Variants in ZNF148 observed in about 807,000 individuals in gnomAD.
ZNF148 encodes zinc finger protein 148.
A neutral mutation model predicts 67.7 loss-of-function variants in ZNF148; 7 were observed. That is an observed-to-expected ratio of 0.10 (90% CI 0.06 to 0.19). ZNF148 has a LOEUF of 0.19. Ranked by LOEUF, ZNF148 falls within the 10% of genes least tolerant of loss-of-function variation. ZNF148 has a pLI of 1.00. For missense variants in ZNF148, 583 were observed against 947.1 expected, an observed-to-expected ratio of 0.62 and a Z score of 5.05; for synonymous variants, 333 against 330.7, an observed-to-expected ratio of 1.01 and a Z score of -0.08.
intron 5 of ZNF148, among the ~76,000 whole-genome samples, chr3:125,279,734 A>G (rs1938275149): frequency 8.2e-6 from 1 of 121,290 alleles, no homozygotes; most frequent in Non-Finnish European, 1.7e-5. Flanking sequence ...AAAGCGTGTC[A>G]GGATTTGTTA....
At position 125,228,422 on chromosome 3, in the gene ZNF148, A is replaced by T. The variant is rs1935723288; in HGVS notation, c.*3919T>A. On this transcript the variant is annotated 3_prime_UTR_variant, in exon 9 of 9. Coordinates refer to ENST00000360647, the MANE Select transcript of ZNF148 (RefSeq NM_021964.3). ...AGGAGGAACAATGGAATTTGCTTATAAAAACTGATTAAAGATAATCATTAT... is the reference window on the plus strand; with the variant it reads ...AGGAGGAACAATGGAATTTGCTTATTAAAACTGATTAAAGATAATCATTAT... 1 of 152,624 alleles carries T rather than the reference A, an allele frequency of 6.6e-6. No homozygotes were observed. Among genetic ancestry groups the T allele is most frequent in the African/African-American group, 2.4e-5 (1 of 41,454 alleles). The allele number at this position is 152,624 out of a possible 1,614,324, so 9.5% of individuals were successfully genotyped here.
At chr3:125,347,566 A>AT (rs1362461948) in intron 1 of ZNF148, among the ~76,000 whole-genome samples, 2 of 81,112 alleles carry the variant, frequency 2.5e-5, no homozygotes, top group African/African-American at 1.3e-4. Flanking sequence ...AATTTTATGT[A>AT]TTATTTTTTT....
intron 3 of ZNF148, among the ~76,000 whole-genome samples, chr3:125,314,581 T>C (rs1433754321): frequency 6.6e-6 from 1 of 152,116 alleles, no homozygotes; most frequent in Non-Finnish European, 1.5e-5. Context: ...CAGAGAAAAC[T>C]TTACTGAAAT....
chr3:125,374,883 C>T (rs1943013178), intron 1 of ZNF148, among the ~76,000 whole-genome samples: 1 of 151,616 alleles, frequency 6.6e-6, no homozygotes, highest in South Asian at 2.1e-4. Flanking sequence ...TATCCCTCCT[C>T]AACCCCCCAA....
chr3:125,316,366 G>C (rs1404603052), intron 3 of ZNF148, among the ~76,000 whole-genome samples: 3 of 152,180 alleles, frequency 2.0e-5, no homozygotes, highest in African/African-American at 7.2e-5. Context: ...ATACCCAGCA[G>C]TGCGATTGCT....
chr3:125,315,648 G>A (rs995054731), intron 3 of ZNF148, among the ~76,000 whole-genome samples: 2 of 148,832 alleles, frequency 1.3e-5, no homozygotes, highest in Non-Finnish European at 3.0e-5. Context: ...GGGGAAGGGT[G>A]CAGTGAGCCG....
intron 7 of ZNF148, among the ~76,000 whole-genome samples, chr3:125,257,760 T>C (rs1192132323): frequency 6.6e-6 from 1 of 152,110 alleles, no homozygotes; most frequent in Non-Finnish European, 1.5e-5. Context: ...GGATGTCTAA[T>C]GTTCACCATG....
intron 2 of ZNF148, among the ~76,000 whole-genome samples, chr3:125,328,011 T>C (rs1486835901): frequency 2.0e-5 from 3 of 152,068 alleles, no homozygotes; most frequent in African/African-American, 7.2e-5. Context: ...ATCTTTGTAG[T>C]TGTCATTATG....
At chr3:125,273,715 C>T (rs1276870626) in intron 7 of ZNF148, among the ~76,000 whole-genome samples, 1 of 152,002 alleles carries the variant, frequency 6.6e-6, no homozygotes. Context: ...CTCCTGACCT[C>T]GTGATCCGCC....
intron 1 of ZNF148, among the ~76,000 whole-genome samples, chr3:125,342,177 G>C (rs931051174): frequency 2.6e-5 from 4 of 151,094 alleles, no homozygotes; most frequent in African/African-American, 9.7e-5. Context: ...TCATAAAGAA[G>C]GAAGAAAGGG....
intron 6 of ZNF148, among the ~76,000 whole-genome samples, chr3:125,278,677 T>C (rs1404427948): frequency 1.3e-5 from 2 of 152,140 alleles, no homozygotes; most frequent in East Asian, 3.9e-4. Context: ...CCTCATTTCA[T>C]CTTACATGTC....
chr3:125,265,128 T>C (rs889790342), intron 7 of ZNF148, among the ~76,000 whole-genome samples: 1 of 152,264 alleles, frequency 6.6e-6, no homozygotes, highest in Non-Finnish European at 1.5e-5. Flanking sequence ...TCTGCTAAGA[T>C]AGTCTGTTAC....
At position 125,357,319 on chromosome 3, in the gene ZNF148, C is replaced by A. The variant is rs1377075984; in HGVS notation, c.-234+17783G>T. On this transcript the variant is annotated intron_variant, in intron 1 of 8. Coordinates refer to ENST00000360647, the MANE Select transcript of ZNF148 (RefSeq NM_021964.3). ...AGAGGGGCGCACGCGCACAGACACA[C>A]GCACGCACGCACGCACTTACACACA... 7.1e-5 allele frequency: 11 copies of A among 153,946 alleles called. No homozygotes were observed. The East Asian group carries it at 2.1e-3, about 30-fold the overall frequency. The allele number at this position is 153,946 out of a possible 1,614,324, so 9.5% of individuals were successfully genotyped here.
chr3:125,315,663 C>T (rs550460077), intron 3 of ZNF148, among the ~76,000 whole-genome samples: 13 of 144,100 alleles, frequency 9.0e-5, no homozygotes, highest in African/African-American at 2.6e-4. Context: ...GAGCCGAGAT[C>T]GAGCCACTGC....
chr3:125,311,374 G>C (rs1373829411), intron 4 of ZNF148: 1 of 152,494 alleles, frequency 6.6e-6, no homozygotes, highest in Non-Finnish European at 1.5e-5. Context: ...GCTAAGAATA[G>C]AAAATGAGAA....
chr3:125,317,656 T>TAGAGAGAGAGAGAGAGAG (rs1332514441), intron 3 of ZNF148, among the ~76,000 whole-genome samples: 178 of 7,238 alleles, frequency 0.025, no homozygotes, highest in Non-Finnish European at 0.032. Flanking sequence ...TATATATATA[T>TAGAGAGAGAGAGAGAGAG]ATATATAGAG....
intron 7 of ZNF148, among the ~76,000 whole-genome samples, chr3:125,272,539 T>C (rs959598488): frequency 2.6e-5 from 4 of 152,150 alleles, no homozygotes; most frequent in African/African-American, 9.7e-5. Flanking sequence ...TAAAATGGAA[T>C]CAATCTTCTG....
intron 7 of ZNF148, among the ~76,000 whole-genome samples, chr3:125,268,049 G>A (rs866334093): frequency 7.9e-5 from 12 of 152,116 alleles, no homozygotes; most frequent in Admixed American, 5.2e-4. Context: ...AAAAAACACT[G>A]CTGAAGGAAA....
chr3:125,323,509 T>C, intron 2 of ZNF148, 65 bp from the exon 3 acceptor site: 1 of 584,666 alleles, frequency 1.7e-6, no homozygotes. Context: ...ACAAATATAA[T>C]ATGTGCAAAT....
Sources: allele counts gnomAD v4.1 joint callset (sites outside exome capture counted in the v4.1 genomes callset), GRCh38; gene constraint gnomAD v4.1.1; transcripts MANE v1.5; gene names NCBI Gene and HGNC (gene_info 2026-07-23, HGNC 2026-07-21).